KREMEN1: variants seen among roughly 807,000 people sequenced by gnomAD.
The protein encoded by KREMEN1 is kremen protein 1.
A neutral mutation model predicts 46.5 loss-of-function variants in KREMEN1; 30 were observed. The ratio of observed to expected loss-of-function variants is 0.65; its 90% CI spans 0.48 to 0.88. The LOEUF is 0.88. Ranked by LOEUF, KREMEN1 falls within the 40% of genes least tolerant of loss-of-function variation. KREMEN1 has a pLI of 0.00. For synonymous variants in KREMEN1, 214 were observed against 230.6 expected, an observed-to-expected ratio of 0.93 and a Z score of 0.65; for missense variants, 533 against 596.9, an observed-to-expected ratio of 0.89 and a Z score of 1.11.
intron 5 of KREMEN1, among the ~76,000 whole-genome samples, chr22:29,131,472 A>C (rs2038531799): frequency 7.1e-6 from 1 of 140,934 alleles, no homozygotes; most frequent in Non-Finnish European, 1.5e-5. Context: ...CTTTGTGGTC[A>C]GTTCCCTTCC....
intron 4 of KREMEN1, among the ~76,000 whole-genome samples, chr22:29,123,549 T>C (rs1282671164): frequency 6.6e-6 from 1 of 152,122 alleles, no homozygotes; most frequent in Non-Finnish European, 1.5e-5. Flanking sequence ...CCCAGCACTT[T>C]GGGAGGCCAA....
intron 2 of KREMEN1, among the ~76,000 whole-genome samples, chr22:29,095,312 T>C (rs566092833): frequency 6.6e-6 from 1 of 152,344 alleles, no homozygotes; most frequent in Admixed American, 6.5e-5. Context: ...TCTATGGTGC[T>C]TCAAAAGTGA....
In KREMEN1 at chr22:29,142,638, C is replaced by T. The variant is rs1451961594; in HGVS notation, c.*526C>T. On this transcript the variant is annotated 3_prime_UTR_variant, in exon 9 of 9. Coordinates refer to ENST00000400335, the MANE Select transcript of KREMEN1 (RefSeq NM_001039570.3). ...ACAAGTGCGGACTCCTGGACATTAG[C>T]GAGGTGTAAAGAGGGCAGTGTCTGT... 3.0e-6 allele frequency: 3 copies of T among 985,520 alleles called. No individual in the cohort carries two copies. The highest frequency in any genetic ancestry group is 5.2e-4 in the Middle Eastern group (1 of 1,916). 61.0% of individuals were successfully genotyped at this position (985,520 alleles called of 1,614,324 possible).
chr22:29,140,114 T>C (rs1770030598), intron 7 of KREMEN1, among the ~76,000 whole-genome samples, 168 bp from the exon 8 acceptor site: 1 of 152,190 alleles, frequency 6.6e-6, no homozygotes, highest in South Asian at 2.1e-4. Flanking sequence ...TGGGGCCCCA[T>C]GCTTAGCCTG....
intron 6 of KREMEN1, 85 bp downstream of exon 6, chr22:29,137,759 C>A: frequency 1.8e-6 from 2 of 1,127,754 alleles, no homozygotes; most frequent in South Asian, 1.9e-5. Flanking sequence ...TTGGGCAGTT[C>A]TTGCGGGGCA....
chr22:29,118,654 CATA>C (rs918684332), intron 3 of KREMEN1, among the ~76,000 whole-genome samples: 7 of 152,038 alleles, frequency 4.6e-5, no homozygotes, highest in African/African-American at 1.7e-4. Flanking sequence ...GCTCAGCCAT[CATA>C]ATCTCATCTA....
At chr22:29,133,257 AAAAAG>A (rs1397067263) in intron 5 of KREMEN1, among the ~76,000 whole-genome samples, 11 of 148,030 alleles carry the variant, frequency 7.4e-5, no homozygotes, top group African/African-American at 2.9e-4. Context: ...CAAAAAAAAA[AAAAAG>A]AAAAAAGAAA....
At chr22:29,082,262 G>A (rs1446616412) in intron 1 of KREMEN1, among the ~76,000 whole-genome samples, 1 of 151,710 alleles carries the variant, frequency 6.6e-6, no homozygotes, top group South Asian at 2.1e-4. Context: ...CTGTTGCCCA[G>A]GCTGGGGGGC....
chr22:29,145,178 G>T lies in KREMEN1; in HGVS notation c.*3066G>T, dbSNP rs1467568216. ...ACCTGAGAAAGAAACTGCTCCAGAA[G>T]AGATGACGTGGGCTTCCAGGAGCAT... On this transcript the variant is annotated 3_prime_UTR_variant, in exon 9 of 9. Coordinates refer to ENST00000400335, the MANE Select transcript of KREMEN1 (RefSeq NM_001039570.3). The T allele has an allele frequency of 3.0e-6, 3 of 985,808 alleles. No individual in the cohort carries two copies. The highest frequency in any genetic ancestry group is 2.4e-6 in the Non-Finnish European group (2 of 830,178). 61.1% of individuals were successfully genotyped at this position (985,808 alleles called of 1,614,324 possible). A position where few individuals can be genotyped will look rare whatever the true frequency, so the allele number is the denominator to read the frequency against.
intron 3 of KREMEN1, among the ~76,000 whole-genome samples, chr22:29,121,153 A>G (rs899747496): frequency 1.3e-5 from 2 of 151,372 alleles, no homozygotes; most frequent in Non-Finnish European, 1.5e-5. Flanking sequence ...CTAGTCTCAC[A>G]TACTCTTCAA....
intron 5 of KREMEN1, among the ~76,000 whole-genome samples, chr22:29,136,277 T>G (rs960125242): frequency 4.0e-5 from 6 of 151,346 alleles, no homozygotes; most frequent in Non-Finnish European, 7.4e-5. Flanking sequence ...AGCCTGCTTT[T>G]TAAATCCTAG....
chr22:29,131,766 A>ATG (rs1556013851), intron 5 of KREMEN1, among the ~76,000 whole-genome samples: 19 of 122,874 alleles, frequency 1.5e-4, no homozygotes, highest in African/African-American at 6.7e-4. Flanking sequence ...GTATATATAT[A>ATG]TGTATATATA....
At chr22:29,107,218 CTTTTTT>C (rs1188000476) in intron 3 of KREMEN1, among the ~76,000 whole-genome samples, 1 of 111,924 alleles carries the variant, frequency 8.9e-6, no homozygotes, top group African/African-American at 4.3e-5. Flanking sequence ...ACCATTTATA[CTTTTTT>C]TTTTTTTTTT....
rs534449141 is a variant in KREMEN1 at position 29,159,491 on chromosome 22, C to T, written c.1417-7553C>T. ...AAAATTAGCCAGGTGTGGTGGCGCA[C>T]GCCTGTAATCCCAGCTACTCAGGAG... On this transcript the variant is annotated intron_variant, in intron 9 of 9. Coordinates refer to the KREMEN1 transcript ENST00000327813. 5.9e-5 allele frequency among the ~76,000 whole-genome samples: 9 copies of T among 151,962 alleles called. No individual in the cohort carries two copies. In the South Asian group the frequency reaches 6.2e-4, roughly 11 times the overall value.
intron 5 of KREMEN1, among the ~76,000 whole-genome samples, chr22:29,131,865 CTTTTTTTTT>C (rs71196633): frequency 2.2e-4 from 10 of 45,830 alleles, no homozygotes; most frequent in African/African-American, 8.7e-4. Flanking sequence ...TAGAATAATG[CTTTTTTTTT>C]TTTTTTTTTT....
At position 29,142,232 on chromosome 22, in the gene KREMEN1, T is replaced by G; in HGVS notation, c.*120T>G. ...CTCCTCTCCCTCTGCCTCGGCCTCT[T>G]CGGGGAAACCCTCCTCCTACAGACT... On this transcript the variant is annotated 3_prime_UTR_variant, in exon 9 of 9. Coordinates refer to ENST00000400335, the MANE Select transcript of KREMEN1 (RefSeq NM_001039570.3). The G allele has an allele frequency of 7.2e-7, 1 of 1,390,110 alleles. No individual in the cohort carries two copies. Among genetic ancestry groups the G allele is most frequent in the Non-Finnish European group, 9.3e-7 (1 of 1,075,260 alleles). The allele number at this position is 1,390,110 out of a possible 1,614,324, so 86.1% of individuals were successfully genotyped here.
rs759450658 is a variant in KREMEN1 at position 29,121,414 on chromosome 22, C to T, written c.410C>T (p.Thr137Ile). ...DHGNPPPLTG[T>I]SKTSNKLTIQ... is the part of the protein sequence containing the mutation. Reference sequence around the variant, plus strand: ...GGAAACCCACCTCCTCTAACTGGCACCAGTAAAACGTCCAACAAACTCACC... The same window carrying T: ...GGAAACCCACCTCCTCTAACTGGCATCAGTAAAACGTCCAACAAACTCACC... The change falls in exon 4 of 9, where the codon ACC (threonine) becomes ATC (isoleucine). Residue 137 changes from threonine to isoleucine, a missense_variant. Thr to Ile is a moderately conservative substitution (Grantham distance 89, BLOSUM62 -1). Coordinates refer to ENST00000400335, the MANE Select transcript of KREMEN1 (RefSeq NM_001039570.3). 6.2e-7 allele frequency: 1 copy of T among 1,614,052 alleles called. No homozygotes were observed. Among genetic ancestry groups the T allele is most frequent in the African/African-American group, 1.3e-5 (1 of 75,010 alleles).
At chr22:29,104,488 A>G (rs139388942) in intron 3 of KREMEN1, among the ~76,000 whole-genome samples, 2 of 152,258 alleles carry the variant, frequency 1.3e-5, no homozygotes, top group Non-Finnish European at 2.9e-5. Flanking sequence ...GCCCACAGGT[A>G]TCTGATGTCA....
intron 3 of KREMEN1, among the ~76,000 whole-genome samples, chr22:29,104,364 C>T (rs577445751): frequency 6.6e-6 from 1 of 152,008 alleles, no homozygotes; most frequent in Non-Finnish European, 1.5e-5. Context: ...GCCATGTTCC[C>T]CTAGCCGGTC....
Sources: gnomAD v4.1 joint callset for allele counts (sites outside exome capture counted in the v4.1 genomes callset) on GRCh38, gnomAD v4.1.1 for gene constraint, MANE v1.5 for transcripts, NCBI Gene and HGNC (gene_info 2026-07-23, HGNC 2026-07-21) for gene names.